The following HTR1D variants were observed in gnomAD, a reference collection of about 807,000 sequenced individuals.
The protein encoded by HTR1D is 5-hydroxytryptamine receptor 1D, also known as 5-HT-1D.
In HTR1D, 18 loss-of-function variants were observed where a neutral mutation model predicts 21.1. That is an observed-to-expected ratio of 0.85 (90% CI 0.59 to 1.27). The LOEUF is 1.27. Ranked by LOEUF, HTR1D falls within the 50% of genes most tolerant of loss-of-function variation. The pLI, the probability that HTR1D is intolerant of heterozygous loss-of-function variation, is 0.00. For missense variants in HTR1D, 456 were observed against 481.4 expected, an observed-to-expected ratio of 0.95 and a Z score of 0.49; for synonymous variants, 196 against 204.4, an observed-to-expected ratio of 0.96 and a Z score of 0.35.
At position 23,193,150 on chromosome 1, in the gene HTR1D, G is replaced by T; in HGVS notation, c.1070C>A (p.Thr357Asn). 1 of 1,614,008 alleles carries T rather than the reference G, an allele frequency of 6.2e-7. No individual in the cohort carries two copies. The highest frequency in any genetic ancestry group is 1.3e-5 in the African/African-American group (1 of 75,018). Residue 357 changes from threonine to asparagine, a missense_variant, in exon 2 of 2, where the codon ACT becomes AAT. Transcript: ENST00000374619. ...TTGCCGAAACTCTTCATTAAACACA[G>T]TGTAGATTATTGGATTGATGAGGGA... is the stretch of plus-strand genomic sequence containing the variant. ...LNSLINPIIY[T>N]VFNEEFRQAF...
chr1:23,215,531 A>G (rs1267156126), intron 1 of HTR1D, among the ~76,000 whole-genome samples: 2 of 152,224 alleles, frequency 1.3e-5, no homozygotes, highest in Non-Finnish European at 2.9e-5. Flanking sequence ...CATCTGTGCA[A>G]TGAAAGAGAC....
In HTR1D at chr1:23,193,015, TA is replaced by T. The variant is rs11415810; in HGVS notation, c.*70del. 0.024 allele frequency: 19,119 copies of T among 785,954 alleles called. 1 individual carries two copies. The highest frequency in any genetic ancestry group is 0.028 in the Non-Finnish European group (14,850 of 535,444). The allele number at this position is 785,954 out of a possible 1,614,324, so 48.7% of individuals were successfully genotyped here. The stretch of plus-strand genomic sequence containing the variant: ...ATTAATCCAAGTCTCAGAAAATAAT[TA>T]AAAAAAAAAAAGACAATCCCGATGA... On this transcript the variant is annotated 3_prime_UTR_variant, in exon 2 of 2. Coordinates refer to ENST00000374619, the MANE Select transcript of HTR1D (RefSeq NM_000864.5).
At chr1:23,216,693 C>CG (rs1457061058) in intron 1 of HTR1D, among the ~76,000 whole-genome samples, 1 of 152,222 alleles carries the variant, frequency 6.6e-6, no homozygotes, top group Non-Finnish European at 1.5e-5. Context: ...AAGCATCTAG[C>CG]GGGGATCTCA....
intron 1 of HTR1D, among the ~76,000 whole-genome samples, chr1:23,210,730 C>T (rs1644750365): frequency 6.6e-6 from 1 of 152,070 alleles, no homozygotes; most frequent in Non-Finnish European, 1.5e-5. Flanking sequence ...AGTCTCCCCC[C>T]CAGCTCTCAT....
intron 1 of HTR1D, among the ~76,000 whole-genome samples, chr1:23,198,546 A>G (rs563118212): frequency 6.6e-6 from 1 of 152,302 alleles, no homozygotes; most frequent in South Asian, 2.1e-4. Context: ...TTCTGTGTTC[A>G]CTAGAAGACA....
At chr1:23,204,707 C>A (rs1644722987) in intron 1 of HTR1D, among the ~76,000 whole-genome samples, 1 of 152,336 alleles carries the variant, frequency 6.6e-6, no homozygotes, top group South Asian at 2.1e-4. Flanking sequence ...CCTCTAGAGG[C>A]TGTGCATGTT....
intron 1 of HTR1D, among the ~76,000 whole-genome samples, chr1:23,195,601 A>C (rs555690552): frequency 5.3e-5 from 8 of 152,126 alleles, no homozygotes; most frequent in African/African-American, 1.9e-4. Context: ...ATCACGCCCA[A>C]CTAATTTTTG....
chr1:23,209,916 A>G lies in HTR1D; in HGVS notation c.-783+7375T>C, dbSNP rs376313148. 3.9e-5 allele frequency among the ~76,000 whole-genome samples: 6 copies of G among 152,270 alleles called. No individual in the cohort carries two copies. In the East Asian group the frequency reaches 1.2e-3, roughly 29 times the overall value. On this transcript the variant is annotated intron_variant, in intron 1 of 1. Coordinates refer to ENST00000374619, the MANE Select transcript of HTR1D (RefSeq NM_000864.5). ...TGATGTGCCAGGCTCCATCACTATC[A>G]CCTGAGCAGGCCCTCTCTCTGACAG...
rs1341135559 is a variant in HTR1D, at chr1:23,193,430, G to A, written c.790C>T (p.His264Tyr). The change falls in exon 2 of 2, where the codon CAC becomes TAC. Residue 264 changes from histidine (H) to tyrosine (Y), a missense_variant. Physicochemically the swap from His to Tyr is moderately conservative, Grantham distance 83. Transcript: ENST00000374619. Reference sequence around the variant, plus strand: ...AGAGGGGAGCCAGCCGAGTGCGAGTGCCCCTCATGGAGGCTGGAGTTGAGC... The same window carrying A: ...AGAGGGGAGCCAGCCGAGTGCGAGTACCCCTCATGGAGGCTGGAGTTGAGC... ...CSLNSSLHEG[H>Y]SHSAGSPLFF... 6.2e-7 allele frequency: 1 copy of A among 1,614,236 alleles called. No individual in the cohort carries two copies.
intron 1 of HTR1D, among the ~76,000 whole-genome samples, chr1:23,196,392 C>G (rs1415763968): frequency 6.7e-6 from 1 of 148,748 alleles, no homozygotes; most frequent in African/African-American, 2.5e-5. Flanking sequence ...TGCAGTGAGT[C>G]AAGATCGTGC....
intron 1 of HTR1D, among the ~76,000 whole-genome samples, chr1:23,202,237 C>T (rs182839050): frequency 2.0e-4 from 30 of 152,172 alleles, no homozygotes; most frequent in Admixed American, 7.2e-4. Context: ...GCTGAGATTA[C>T]AGGCATGCAC....
In HTR1D at chr1:23,193,491, G is replaced by A. The variant is rs755360447; in HGVS notation, c.729C>T (p.His243=). 4.3e-6 allele frequency: 7 copies of A among 1,613,984 alleles called. 1 individual carries two copies. The South Asian group carries it at 6.6e-5, about 15-fold the overall frequency. The change falls in exon 2 of 2, where the codon CAC becomes CAT. Residue 243 remains histidine (H), a synonymous_variant. Transcript: ENST00000374619. The part of the protein sequence containing the change: ...SLYGKRFTTA[H]LITGSAGSSL... ...AGGACCCGGCAGAGCCTGTGATGAG[G>A]TGGGCCGTGGTGAAGCGCTTCCCAT...
intron 1 of HTR1D, among the ~76,000 whole-genome samples, chr1:23,211,979 A>C (rs1312631055): frequency 2.0e-5 from 3 of 151,782 alleles, no homozygotes; most frequent in Non-Finnish European, 4.4e-5. Context: ...CCTTTTCTAC[A>C]TTTCCTATTG....
At chr1:23,211,185 A>G (rs1200978235) in intron 1 of HTR1D, among the ~76,000 whole-genome samples, 1 of 152,184 alleles carries the variant, frequency 6.6e-6, no homozygotes, top group Non-Finnish European at 1.5e-5. Flanking sequence ...ACCTTAGGCA[A>G]GTTACTCAAC....
In HTR1D at chr1:23,195,004, G is replaced by T. The variant is rs1205734926; in HGVS notation, c.-782-3C>A. ...GAGCAGGGACACATTCAGAAGATCT[G>T]GGATTTAAAAAAGAAAAAAAATAGA... On this transcript the variant is annotated splice_polypyrimidine_tract_variant and splice_region_variant and intron_variant, in intron 1 of 1. Transcript: ENST00000374619. Among the ~76,000 whole-genome samples the T allele has an allele frequency of 6.6e-6, 1 of 152,044 alleles. No individual in the cohort carries two copies. Among genetic ancestry groups the T allele is most frequent in the African/African-American group, 2.4e-5 (1 of 41,376 alleles).
intron 1 of HTR1D, among the ~76,000 whole-genome samples, chr1:23,205,619 T>C (rs1644727068): frequency 6.6e-6 from 1 of 152,148 alleles, no homozygotes; most frequent in Admixed American, 6.5e-5. Flanking sequence ...TCTTAGCTCA[T>C]TGCAACTTCC....
intron 1 of HTR1D, among the ~76,000 whole-genome samples, chr1:23,209,869 A>C (rs1037442459): frequency 1.3e-5 from 2 of 152,104 alleles, no homozygotes; most frequent in Non-Finnish European, 2.9e-5. Context: ...CACACATTCA[A>C]GAAATCTGTA....
chr1:23,201,262 G>A lies in HTR1D; in HGVS notation c.-782-6261C>T, dbSNP rs1023229584. On this transcript the variant is annotated intron_variant, in intron 1 of 1. Transcript: ENST00000374619. ...TGCAGCCTTTACCAAAGCCAAGGAA[G>A]GTTTTGGGGGAATAGAAAAGCCAAA... Among the ~76,000 whole-genome samples the A allele has an allele frequency of 3.9e-5, 6 of 152,166 alleles. No individual in the cohort carries two copies. In the South Asian group the frequency reaches 8.3e-4, roughly 21 times the overall value.
At chr1:23,198,657 G>C (rs901530088) in intron 1 of HTR1D, among the ~76,000 whole-genome samples, 3 of 152,064 alleles carry the variant, frequency 2.0e-5, no homozygotes, top group African/African-American at 7.3e-5. Flanking sequence ...TCCTATGATG[G>C]AGGGCTACAG....
Sources: gnomAD v4.1 joint callset for allele counts (sites outside exome capture counted in the v4.1 genomes callset) on GRCh38, gnomAD v4.1.1 for gene constraint, MANE v1.5 for transcripts, NCBI Gene and HGNC (gene_info 2026-07-23, HGNC 2026-07-21) for gene names.